The following STEAP1 variants were observed in gnomAD, a reference collection of about 807,000 sequenced individuals.
STEAP1 encodes the protein STEAP1 protein.
Under a neutral mutation model 34.4 loss-of-function variants are expected in STEAP1, and 30 were observed. The ratio of observed to expected loss-of-function variants is 0.87; its 90% confidence interval spans 0.65 to 1.18. STEAP1 has a LOEUF of 1.18. Ranked by LOEUF, STEAP1 falls within the 50% of genes most tolerant of loss-of-function variation. STEAP1 has a pLI of 0.00. For synonymous variants in STEAP1, 116 were observed against 135.3 expected, an observed-to-expected ratio of 0.86 and a Z score of 0.99; for missense variants, 318 against 391.1, an observed-to-expected ratio of 0.81 and a Z score of 1.58.
In STEAP1 at chr7:90,161,917, C is replaced by T; in HGVS notation, c.601C>T (p.Gln201Ter). ...TTCTTTATTTACCTTCTGGTAGGTC[C>T]AACAAAATAAAGAAGATGCCTGGAT... ...KLLNWAYQQV[Q>*]QNKEDAWIEH... The change falls in exon 4 of 5, where the codon CAA becomes TAA. Residue 201 changes from glutamine to a stop codon, truncating the protein, a stop_gained. Transcript: ENST00000297205. LOFTEE classifies it high-confidence loss of function. The T allele has an allele frequency of 6.3e-7, 1 of 1,591,846 alleles. No homozygotes were observed.
intron 1 of STEAP1, among the ~76,000 whole-genome samples, chr7:90,156,965 A>G (rs1388431629): frequency 6.6e-6 from 1 of 152,216 alleles, no homozygotes; most frequent in Non-Finnish European, 1.5e-5. Flanking sequence ...GAACAGCGTA[A>G]TACAGTTGGT....
chr7:90,159,171 C>T (rs1226855699), intron 1 of STEAP1, among the ~76,000 whole-genome samples: 4 of 152,096 alleles, frequency 2.6e-5, no homozygotes, highest in Non-Finnish European at 4.4e-5. Flanking sequence ...CAGGGTTGAC[C>T]AGAAGACTGG....
chr7:90,164,130 A>G (rs1794219460), intron 4 of STEAP1, among the ~76,000 whole-genome samples: 1 of 152,206 alleles, frequency 6.6e-6, no homozygotes, highest in African/African-American at 2.4e-5. Flanking sequence ...TCCTGTGATA[A>G]GCAGAATTAA....
intron 1 of STEAP1, 72 bp from the exon 2 acceptor site, chr7:90,159,686 T>C (rs1182564354): frequency 1.2e-6 from 1 of 842,066 alleles, no homozygotes; most frequent in African/African-American, 1.8e-5. Flanking sequence ...AAGTAAATTT[T>C]TTATATTGTT....
chr7:90,159,953 G>C (rs776095690), intron 2 of STEAP1, 81 bp downstream of exon 2: 45 of 1,003,974 alleles, frequency 4.5e-5, no homozygotes, highest in Non-Finnish European at 5.6e-5. Context: ...ATCTCCTAGT[G>C]TTATGAAAGT....
intron 1 of STEAP1, among the ~76,000 whole-genome samples, chr7:90,157,724 T>A (rs1188915741): frequency 6.6e-6 from 1 of 152,250 alleles, no homozygotes; most frequent in African/African-American, 2.4e-5. Context: ...CTGGAAAATA[T>A]TCCAAGAGTA....
intron 4 of STEAP1, chr7:90,162,845 T>G (rs2374250): frequency 0.31 from 68,058 of 216,910 alleles, 12,878 homozygotes; most frequent in East Asian, 0.74. Flanking sequence ...CCAAAGATAT[T>G]CTAGTGTCTC....
intron 2 of STEAP1, 30 bp from the exon 3 acceptor site, chr7:90,160,775 T>G (rs201091958): frequency 6.3e-7 from 1 of 1,594,620 alleles, no homozygotes; most frequent in Non-Finnish European, 8.5e-7. Flanking sequence ...TTTGTTCAAT[T>G]TTAAGATGTT....
rs760328856 is a variant in STEAP1, at chr7:90,159,808, T to G, written c.20T>G (p.Ile7Ser). 48 of 1,564,006 alleles carry G rather than the reference T, an allele frequency of 3.1e-5. No individual in the cohort carries two copies. Among genetic ancestry groups the G allele is most frequent in the Non-Finnish European group, 4.0e-5 (46 of 1,157,552 alleles). MESRKD[I>S]TNQEELWKMK... Reference sequence around the variant, plus strand: ...GAATTAATGGAAAGCAGAAAAGACATCACAAACCAAGAAGAACTTTGGAAA... The same window carrying G: ...GAATTAATGGAAAGCAGAAAAGACAGCACAAACCAAGAAGAACTTTGGAAA... The change falls in exon 2 of 5, where the codon ATC (isoleucine) becomes AGC (serine). Residue 7 changes from isoleucine to serine, a missense_variant. Physicochemically the swap from Ile to Ser is moderately radical, Grantham distance 142. Coordinates refer to ENST00000297205, the MANE Select transcript of STEAP1 (RefSeq NM_012449.3).
At chr7:90,155,304 A>G (rs185967090) in intron 1 of STEAP1, among the ~76,000 whole-genome samples, 9 of 152,214 alleles carry the variant, frequency 5.9e-5, no homozygotes, top group Admixed American at 4.6e-4. Context: ...TAAATGTAAA[A>G]CAAGTGTGCA....
chr7:90,155,649 C>A (rs1357566550), intron 1 of STEAP1, among the ~76,000 whole-genome samples: 1 of 152,150 alleles, frequency 6.6e-6, no homozygotes, highest in Non-Finnish European at 1.5e-5. Context: ...TGGAAACCAA[C>A]AAATTTATTT....
At chr7:90,160,503 AAAGT>A (rs1794168470) in intron 2 of STEAP1, among the ~76,000 whole-genome samples, 2 of 150,558 alleles carry the variant, frequency 1.3e-5, no homozygotes, top group African/African-American at 4.9e-5. Context: ...TTAATAGGGA[AAAGT>A]AATTAATAAA....
chr7:90,161,541 A>G (rs1181861849), intron 3 of STEAP1, among the ~76,000 whole-genome samples: 4 of 152,216 alleles, frequency 2.6e-5, no homozygotes, highest in Non-Finnish European at 5.9e-5. Flanking sequence ...CTTTAGCAAC[A>G]TAAGAAACAT....
At chr7:90,160,036 T>G (rs1403036953) in intron 2 of STEAP1, among the ~76,000 whole-genome samples, 164 bp downstream of exon 2, 1 of 152,166 alleles carries the variant, frequency 6.6e-6, no homozygotes, top group African/African-American at 2.4e-5. Context: ...CAGAGTAGCA[T>G]ATGTGAGAGA....
At chr7:90,162,243 T>C in intron 4 of STEAP1, 165 bp downstream of exon 4, 2 of 1,055,072 alleles carry the variant, frequency 1.9e-6, no homozygotes, top group South Asian at 2.7e-5. Flanking sequence ...TCCCTATTGC[T>C]TCTAATTAGG....
intron 1 of STEAP1, among the ~76,000 whole-genome samples, chr7:90,158,978 A>G (rs1006689221): frequency 2.0e-5 from 3 of 152,236 alleles, no homozygotes; most frequent in Non-Finnish European, 4.4e-5. Flanking sequence ...TGAATTTCAT[A>G]AAGTGTAAAT....
chr7:90,156,077 C>T (rs1794114854), intron 1 of STEAP1, among the ~76,000 whole-genome samples: 1 of 152,170 alleles, frequency 6.6e-6, no homozygotes, highest in African/African-American at 2.4e-5. Flanking sequence ...TTGCATTCCT[C>T]CTGCCTTACA....
At position 90,159,799 on chromosome 7, in the gene STEAP1, G is replaced by A; in HGVS notation, c.11G>A (p.Arg4Lys). 6.4e-7 allele frequency: 1 copy of A among 1,553,000 alleles called. No homozygotes were observed. The highest frequency in any genetic ancestry group is 8.7e-7 in the Non-Finnish European group (1 of 1,152,132). Residue 4 changes from arginine to lysine, a missense_variant, in exon 2 of 5, where the codon AGA (arginine) becomes AAA (lysine). Physicochemically the swap from Arg to Lys is conservative, Grantham distance 26 (BLOSUM62 2). Transcript: ENST00000297205. MES[R>K]KDITNQEELW... ...TATTTTATAGAATTAATGGAAAGCA[G>A]AAAAGACATCACAAACCAAGAAGAA...
At chr7:90,157,900 C>G (rs1228755907) in intron 1 of STEAP1, among the ~76,000 whole-genome samples, 3 of 152,142 alleles carry the variant, frequency 2.0e-5, no homozygotes, top group Admixed American at 1.3e-4. Flanking sequence ...GAGGAAACAT[C>G]ATAGAGTGTA....
Sources: allele counts gnomAD v4.1 joint callset (sites outside exome capture counted in the v4.1 genomes callset), GRCh38; gene constraint gnomAD v4.1.1; transcripts MANE v1.5; gene names NCBI Gene and HGNC (gene_info 2026-07-23, HGNC 2026-07-21).